CLTC: variants seen among roughly 807,000 people sequenced by gnomAD.
CLTC encodes clathrin heavy chain.
Under a neutral mutation model 195.8 loss-of-function variants are expected in CLTC, and 16 were observed. The ratio of observed to expected loss-of-function variants is 0.08; its 90% CI spans 0.06 to 0.12. The LOEUF (loss-of-function observed/expected upper bound fraction) is 0.12. CLTC is among the 10% of genes least tolerant of loss of function. The pLI, the probability that CLTC is intolerant of heterozygous loss-of-function variation, is 1.00. For synonymous variants in CLTC, 667 were observed against 689.4 expected, an observed-to-expected ratio of 0.97 and a Z score of 0.51; for missense variants, 796 against 2,027.0, an observed-to-expected ratio of 0.39 and a Z score of 11.66.
intron 6 of CLTC, among the ~76,000 whole-genome samples, chr17:59,659,763 C>T (rs574027175): frequency 9.2e-5 from 14 of 152,096 alleles, no homozygotes; most frequent in African/African-American, 3.1e-4. Flanking sequence ...TTTCAAGCAC[C>T]TACCATGTTC....
At position 59,694,452 on chromosome 17, in the gene CLTC, C is replaced by T. The variant is rs1454160490; in HGVS notation, c.*600C>T. The T allele has an allele frequency of 8.9e-6, 2 of 224,208 alleles. No homozygotes were observed. Among genetic ancestry groups the T allele is most frequent in the East Asian group, 6.5e-5 (1 of 15,312 alleles). The allele number at this position is 224,208 out of a possible 1,614,324, so 13.9% of individuals were successfully genotyped here. ...AGCGTAAAAGGCCCTCTAACCTATG[C>T]AGGTTTCCCCATTATGCATATAGAA... On this transcript the variant is annotated 3_prime_UTR_variant, in exon 32 of 32. Coordinates refer to ENST00000269122, the MANE Select transcript of CLTC (RefSeq NM_004859.4).
chr17:59,635,787 G>A (rs2031842614), intron 1 of CLTC, among the ~76,000 whole-genome samples: 1 of 152,216 alleles, frequency 6.6e-6, no homozygotes, highest in Non-Finnish European at 1.5e-5. Context: ...ACACCATTAA[G>A]TTTCCTGATT....
intron 15 of CLTC, 112 bp from the exon 16 acceptor site, chr17:59,674,588 GA>G: frequency 1.1e-6 from 1 of 945,820 alleles, no homozygotes; most frequent in East Asian, 2.8e-5. Context: ...TTTAAAAACT[GA>G]ACTTAAAGAA....
chr17:59,682,632 G>T lies in CLTC; in HGVS notation c.3604G>T (p.Gly1202Cys), dbSNP rs1399559351. 1 of 1,610,204 alleles carries T rather than the reference G, an allele frequency of 6.2e-7. No individual in the cohort carries two copies. Among genetic ancestry groups the T allele is most frequent in the Non-Finnish European group, 8.5e-7 (1 of 1,178,522 alleles). The change falls in exon 23 of 32, where the codon GGT (glycine) becomes TGT (cysteine). Residue 1202 changes from glycine to cysteine, a missense_variant. Around this residue, in one of 9 missense-constraint regions of CLTC, gnomAD observed 102 missense variants for 317.6 expected, o/e 0.32. Coordinates refer to ENST00000269122, the MANE Select transcript of CLTC (RefSeq NM_004859.4). The surrounding 1 kb of genome is among the most constrained non-coding windows in gnomAD (Gnocchi z 6.8). ...TGGGTTACCTTTTTTTTTCCAGGTT[G>T]GTGACCGTTGTTATGATGAAAAAAT... is the stretch of plus-strand genomic sequence containing the variant. Reference protein sequence around the residue: ...GPNNAHIQQVGDRCYDEKMYD... With the variant: ...GPNNAHIQQVCDRCYDEKMYD...
At chr17:59,690,890 C>G (rs1420928153) in intron 31 of CLTC, 179 bp downstream of exon 31, 1 of 432,074 alleles carries the variant, frequency 2.3e-6, no homozygotes, top group Non-Finnish European at 4.1e-6. Flanking sequence ...ATATTATTCA[C>G]TAAAATAATC....
intron 16 of CLTC, among the ~76,000 whole-genome samples, chr17:59,675,444 G>A (rs2032945124): frequency 6.6e-6 from 1 of 152,118 alleles, no homozygotes; most frequent in Admixed American, 6.5e-5. Flanking sequence ...TGAGTTTGGT[G>A]AGGTGGTATG....
intron 14 of CLTC, among the ~76,000 whole-genome samples, chr17:59,670,727 T>TA (rs1235569018): frequency 1.3e-5 from 2 of 152,154 alleles, no homozygotes; most frequent in Middle Eastern, 3.4e-3. Flanking sequence ...TTTTGAGCTT[T>TA]AAAAAAAATC....
intron 28 of CLTC, chr17:59,684,500 T>C (rs1381438833): frequency 6.4e-6 from 1 of 155,594 alleles, no homozygotes; most frequent in Non-Finnish European, 1.4e-5. Flanking sequence ...GAAGTTTCTC[T>C]AGAGCACAGA....
At chr17:59,627,536 A>G (rs2031587396) in intron 1 of CLTC, among the ~76,000 whole-genome samples, 1 of 152,184 alleles carries the variant, frequency 6.6e-6, no homozygotes, top group Non-Finnish European at 1.5e-5. Context: ...AAAATGTACC[A>G]CAATTGTTTA....
At chr17:59,686,920 C>G (rs1301502542) in intron 30 of CLTC, 12 of 838,380 alleles carry the variant, frequency 1.4e-5, no homozygotes, top group Non-Finnish European at 1.7e-5. Flanking sequence ...TTCCCTAAAC[C>G]TTTGTTGCTG....
intron 1 of CLTC, 87 bp downstream of exon 1, chr17:59,620,260 G>T (rs1482243891): frequency 7.0e-7 from 1 of 1,420,524 alleles, no homozygotes; most frequent in Admixed American, 1.7e-5. Context: ...AGCAGTATCG[G>T]AGCTGGAGGG....
chr17:59,688,347 C>T (rs7220933), intron 30 of CLTC, among the ~76,000 whole-genome samples: 130,959 of 152,214 alleles, frequency 0.86, 56,450 homozygotes, highest in South Asian at 0.94. Context: ...CTCTGCAGCA[C>T]ATTGCAGTCT....
rs763864519 is a variant in CLTC at position 59,682,471 on chromosome 17, T to C, written c.3600+43T>C. On this transcript the variant is annotated intron_variant, in intron 22 of 31. Coordinates refer to ENST00000269122, the MANE Select transcript of CLTC (RefSeq NM_004859.4). The surrounding 1 kb of genome is among the most constrained non-coding windows in gnomAD (Gnocchi z 6.8). ...ATTTAAGAAAAACTAGTTGGGCTAC[T>C]TGATTAGCTTGGTAGGATCAAAACA... The C allele has an allele frequency of 5.0e-6, 8 of 1,610,514 alleles. No individual in the cohort carries two copies. The highest frequency in any genetic ancestry group is 6.8e-6 in the Non-Finnish European group (8 of 1,177,468).
chr17:59,684,093 A>G, intron 28 of CLTC, 108 bp downstream of exon 28: 1 of 659,220 alleles, frequency 1.5e-6, no homozygotes. Flanking sequence ...AGGTGCTTGC[A>G]TACCTAGGAT....
Position 59,668,871 on chromosome 17 carries a change from C to A in CLTC, c.2223C>A (p.Ile741=). The change falls in exon 14 of 32, where the codon ATC becomes ATA. Residue 741 remains isoleucine, a synonymous_variant. Transcript: ENST00000269122. ...YIQAACKTGQ[I]KEVERICRES... ...AGGCAGCTTGCAAGACTGGGCAAAT[C>A]AAAGAAGTAGAAAGAATCTGTAGAG... is the stretch of plus-strand genomic sequence containing the variant. 6.2e-7 allele frequency: 1 copy of A among 1,613,708 alleles called. No homozygotes were observed. Among genetic ancestry groups the A allele is most frequent in the South Asian group, 1.1e-5 (1 of 91,064 alleles).
Position 59,647,624 on chromosome 17 carries a change from T to A in CLTC, c.477T>A (p.Asp159Glu). The change falls in exon 3 of 32, where the codon GAT becomes GAA. Residue 159 changes from aspartate (D) to glutamate (E), a missense_variant. Physicochemically the swap from Asp to Glu is conservative, Grantham distance 45. Coordinates refer to ENST00000269122, the MANE Select transcript of CLTC (RefSeq NM_004859.4). Reference protein sequence around the residue: ...AGCQIINYRTDAKQKWLLLTG... With the variant: ...AGCQIINYRTEAKQKWLLLTG... ...GCCAGATTATCAATTACCGTACAGA[T>A]GCAAAACAAAAGTGGTTACTTCTGA... 2 of 1,614,142 alleles carry A rather than the reference T, an allele frequency of 1.2e-6. No homozygotes were observed. Among genetic ancestry groups the A allele is most frequent in the Non-Finnish European group, 1.7e-6 (2 of 1,180,002 alleles).
intron 31 of CLTC, among the ~76,000 whole-genome samples, chr17:59,693,261 G>A (rs2033349279): frequency 6.6e-6 from 1 of 151,972 alleles, no homozygotes; most frequent in African/African-American, 2.4e-5. Flanking sequence ...CAGCTACTCG[G>A]GAGGCTGAGG....
intron 30 of CLTC, among the ~76,000 whole-genome samples, chr17:59,686,819 A>G (rs1348942959): frequency 6.6e-6 from 1 of 152,184 alleles, no homozygotes; most frequent in Non-Finnish European, 1.5e-5. Context: ...CTTCTGCATT[A>G]AGCTTTGAAG....
intron 1 of CLTC, among the ~76,000 whole-genome samples, chr17:59,640,819 CATT>C (rs941132130): frequency 1.3e-5 from 2 of 151,732 alleles, no homozygotes; most frequent in African/African-American, 4.8e-5. Flanking sequence ...AAACATGTGC[CATT>C]ATTAAGAATT....
Sources: gnomAD v4.1 joint callset for allele counts (sites outside exome capture counted in the v4.1 genomes callset) on GRCh38, gnomAD v4.1.1 for gene constraint, gnomAD v4.1.1 regional missense constraint, Gnocchi (gnomAD v3.1) non-coding constraint, MANE v1.5 for transcripts, NCBI Gene and HGNC (gene_info 2026-07-23, HGNC 2026-07-21) for gene names.